ADAMTS17: variants seen among roughly 807,000 people sequenced by gnomAD.
ADAMTS17 encodes the protein ADAM metallopeptidase with thrombospondin type 1 motif 17.
In ADAMTS17, 113 loss-of-function variants were observed where a neutral mutation model predicts 141.5. The observed-to-expected ratio is 0.80, with a 90% CI of 0.69 to 0.93. The LOEUF (loss-of-function observed/expected upper bound fraction) is 0.93. ADAMTS17 is among the 40% of genes least tolerant of loss of function. The pLI is 0.00. For missense variants in ADAMTS17, 1,659 were observed against 1,517.9 expected (o/e 1.09, Z -1.54); for synonymous variants, 768 against 630.6 (o/e 1.22, Z -3.27).
chr15:100,332,348 G>C lies in ADAMTS17; in HGVS notation c.451-1294C>G, dbSNP rs542251582. Among the ~76,000 whole-genome samples the C allele has an allele frequency of 3.9e-5, 6 of 152,316 alleles. No homozygotes were observed. In the South Asian group the frequency reaches 1.2e-3, roughly 32 times the overall value. On this transcript the variant is annotated intron_variant, in intron 2 of 21. Transcript: ENST00000268070. ...GCTCCATCACAGCTGTGCGCGATGCGGCCTCGGTGCAGAACACCCGAAAAC... is the reference window on the plus strand; with the variant it reads ...GCTCCATCACAGCTGTGCGCGATGCCGCCTCGGTGCAGAACACCCGAAAAC...
In ADAMTS17 at chr15:100,337,749, C is replaced by T. The variant is rs533928002; in HGVS notation, c.450+3290G>A. ...GGGGCCTCCAGCCCTCCCCTCCTCT[C>T]GTTCACTCTTCCTAAAACAAGTCCT... is the stretch of plus-strand genomic sequence containing the variant. On this transcript the variant is annotated intron_variant, in intron 2 of 21. Coordinates refer to ENST00000268070, the MANE Select transcript of ADAMTS17 (RefSeq NM_139057.4). Among the ~76,000 whole-genome samples the T allele has an allele frequency of 1.1e-4, 17 of 152,334 alleles. No individual in the cohort carries two copies. In the East Asian group the frequency reaches 1.4e-3, roughly 12 times the overall value.
At chr15:100,020,799 G>A (rs916841407) in intron 18 of ADAMTS17, among the ~76,000 whole-genome samples, 2 of 152,202 alleles carry the variant, frequency 1.3e-5, no homozygotes, top group African/African-American at 2.4e-5. Context: ...GCTGGCGTTC[G>A]GCTGTGTCTA....
intron 14 of ADAMTS17, among the ~76,000 whole-genome samples, chr15:100,105,778 C>G (rs2036379771): frequency 1.3e-5 from 2 of 152,082 alleles, no homozygotes; most frequent in African/African-American, 4.8e-5. Flanking sequence ...TCCTCCACTT[C>G]CCAGGTTCAA....
chr15:100,108,852 C>A, intron 14 of ADAMTS17, 137 bp downstream of exon 14: 3 of 1,446,208 alleles, frequency 2.1e-6, no homozygotes, highest in Non-Finnish European at 2.9e-6. Flanking sequence ...CGGCAGGAGG[C>A]GGCATCACTG....
chr15:100,083,697 G>T (rs1184306635), intron 15 of ADAMTS17, among the ~76,000 whole-genome samples: 1 of 150,748 alleles, frequency 6.6e-6, no homozygotes, highest in Non-Finnish European at 1.5e-5. Flanking sequence ...TAGTTTGAGG[G>T]CAGTTGGTGC....
chr15:100,240,919 G>A (rs546440973), intron 7 of ADAMTS17, among the ~76,000 whole-genome samples: 63 of 152,150 alleles, frequency 4.1e-4, no homozygotes, highest in Middle Eastern at 3.4e-3. Context: ...TCCGCCTCCC[G>A]GGTTCAAGCG....
At chr15:100,083,947 C>T (rs1159499492) in intron 15 of ADAMTS17, among the ~76,000 whole-genome samples, 1 of 151,908 alleles carries the variant, frequency 6.6e-6, no homozygotes, top group African/African-American at 2.4e-5. Context: ...TCTGCATTTC[C>T]AACTGAGGTA....
intron 7 of ADAMTS17, among the ~76,000 whole-genome samples, chr15:100,228,479 G>A (rs1041555448): frequency 2.0e-5 from 3 of 152,130 alleles, no homozygotes; most frequent in Non-Finnish European, 4.4e-5. Context: ...ATTCATTATT[G>A]ATCAATTAGT....
At chr15:100,285,138 A>G (rs990740989) in intron 3 of ADAMTS17, among the ~76,000 whole-genome samples, 2 of 152,144 alleles carry the variant, frequency 1.3e-5, no homozygotes, top group African/African-American at 4.8e-5. Flanking sequence ...GCTTCATACT[A>G]TTTTTCTTAC....
intron 20 of ADAMTS17, among the ~76,000 whole-genome samples, chr15:99,983,589 G>A (rs1202799832): frequency 6.6e-6 from 1 of 152,194 alleles, no homozygotes; most frequent in Non-Finnish European, 1.5e-5. Flanking sequence ...AAGCTCTCAG[G>A]AAGAGGAAAA....
intron 18 of ADAMTS17, among the ~76,000 whole-genome samples, chr15:100,033,015 T>C (rs1334053422): frequency 6.6e-6 from 1 of 152,240 alleles, no homozygotes; most frequent in Non-Finnish European, 1.5e-5. Flanking sequence ...TAAAATTCTC[T>C]ACTTTTACAA....
chr15:100,114,945 AAAT>A (rs1200886443), intron 13 of ADAMTS17, among the ~76,000 whole-genome samples: 1 of 152,260 alleles, frequency 6.6e-6, no homozygotes, highest in Admixed American at 6.5e-5. Flanking sequence ...TGTGCTGAAT[AAAT>A]AAGACGGGAG....
intron 8 of ADAMTS17, among the ~76,000 whole-genome samples, chr15:100,183,504 T>C (rs572474481): frequency 4.3e-4 from 66 of 152,388 alleles, no homozygotes; most frequent in African/African-American, 1.5e-3. Flanking sequence ...GATTTATTTC[T>C]GTAAAATTTC....
chr15:100,192,816 T>C (rs576810436), intron 8 of ADAMTS17, among the ~76,000 whole-genome samples: 1 of 152,216 alleles, frequency 6.6e-6, no homozygotes, highest in East Asian at 1.9e-4. Context: ...ATTTGAACCA[T>C]GTCAACTCCA....
chr15:100,207,140 G>C (rs927146485), intron 7 of ADAMTS17, among the ~76,000 whole-genome samples: 1 of 152,100 alleles, frequency 6.6e-6, no homozygotes, highest in African/African-American at 2.4e-5. Flanking sequence ...AGCAAGGTGG[G>C]GCCCTGATCC....
chr15:100,192,032 T>C (rs1017044485), intron 8 of ADAMTS17, among the ~76,000 whole-genome samples: 4 of 152,104 alleles, frequency 2.6e-5, no homozygotes, highest in South Asian at 2.1e-4. Context: ...TATATACCCA[T>C]AAAAATTAAA....
intron 6 of ADAMTS17, among the ~76,000 whole-genome samples, chr15:100,258,539 A>C (rs1413680319): frequency 6.6e-6 from 1 of 152,228 alleles, no homozygotes; most frequent in East Asian, 1.9e-4. Context: ...GGCACGTCTC[A>C]CATGGCAGCA....
chr15:100,096,595 TC>T (rs1296279637), intron 14 of ADAMTS17, 119 bp from the exon 15 acceptor site: 1 of 1,310,842 alleles, frequency 7.6e-7, no homozygotes, highest in Non-Finnish European at 1.1e-6. Context: ...GGGGCCCTGA[TC>T]CATTCAGAGG....
At position 100,264,766 on chromosome 15, in the gene ADAMTS17, G is replaced by A. The variant is rs1013821770; in HGVS notation, c.790-2331C>T. Among the ~76,000 whole-genome samples the A allele has an allele frequency of 6.6e-5, 10 of 152,204 alleles. No individual in the cohort carries two copies. In the Middle Eastern group the frequency reaches 0.01, roughly 155 times the overall value. On this transcript the variant is annotated intron_variant, in intron 4 of 21. Coordinates refer to ENST00000268070, the MANE Select transcript of ADAMTS17 (RefSeq NM_139057.4). ...CCTTGGAACAAATGCCACTAAAAAG[G>A]TGAGAGATGGAAGGGGGATGGGAAA...
Sources: gnomAD v4.1 joint callset for allele counts (sites outside exome capture counted in the v4.1 genomes callset) on GRCh38, gnomAD v4.1.1 for gene constraint, MANE v1.5 for transcripts, NCBI Gene and HGNC (gene_info 2026-07-23, HGNC 2026-07-21) for gene names.